Variants in MTURN observed in about 807,000 individuals in gnomAD.
MTURN encodes the protein maturin, neural progenitor differentiation regulator homolog.
In MTURN, 7 loss-of-function variants were observed where a neutral mutation model predicts 14.9. The observed-to-expected ratio is 0.47, with a 90% CI of 0.27 to 0.88. The LOEUF (loss-of-function observed/expected upper bound fraction) is 0.88. Ranked by LOEUF, MTURN falls within the 40% of genes least tolerant of loss-of-function variation. The pLI, the probability that MTURN is intolerant of heterozygous loss-of-function variation, is 0.14. For synonymous variants in MTURN, 69 were observed against 72.5 expected, an observed-to-expected ratio of 0.95 and a Z score of 0.25; for missense variants, 151 against 174.1, an observed-to-expected ratio of 0.87 and a Z score of 0.75.
intron 2 of MTURN, among the ~76,000 whole-genome samples, chr7:30,152,084 A>C (rs556826889): frequency 6.6e-6 from 1 of 152,302 alleles, no homozygotes; most frequent in African/African-American, 2.4e-5. Flanking sequence ...TGATGAGAAA[A>C]GATTATGCAC....
chr7:30,148,363 G>A (rs1301690697), intron 2 of MTURN, among the ~76,000 whole-genome samples: 1 of 152,210 alleles, frequency 6.6e-6, no homozygotes, highest in Non-Finnish European at 1.5e-5. Flanking sequence ...AGAGAGGTGA[G>A]CTGGAGGAAT....
intron 1 of MTURN, among the ~76,000 whole-genome samples, chr7:30,136,099 C>T (rs1796955051): frequency 6.9e-6 from 1 of 145,946 alleles, no homozygotes; most frequent in East Asian, 2.1e-4. Flanking sequence ...GTGTGTGTGG[C>T]CCGGGCGGGT....
intron 2 of MTURN, among the ~76,000 whole-genome samples, chr7:30,156,724 T>C (rs113414971): frequency 0.13 from 19,303 of 151,496 alleles, 1,352 homozygotes; most frequent in African/African-American, 0.17. Flanking sequence ...ACTCAGGAGG[T>C]TGAGGCAGGA....
intron 2 of MTURN, 68 bp downstream of exon 2, chr7:30,146,367 C>T: frequency 5.0e-6 from 8 of 1,594,338 alleles, no homozygotes; most frequent in South Asian, 1.1e-5. Flanking sequence ...ATAACAGGGG[C>T]GGTGGGGAAG....
intron 1 of MTURN, among the ~76,000 whole-genome samples, chr7:30,135,983 C>G (rs1384232051): frequency 6.6e-6 from 1 of 152,186 alleles, no homozygotes; most frequent in African/African-American, 2.4e-5. Context: ...CACACACACA[C>G]ATGCTCACAC....
At position 30,143,690 on chromosome 7, in the gene MTURN, G is replaced by A. The variant is rs144294652; in HGVS notation, c.163-2487G>A. Among the ~76,000 whole-genome samples, 93 of 152,280 alleles carry A rather than the reference G, an allele frequency of 6.1e-4. 1 individual carries two copies. Among genetic ancestry groups the A allele is most frequent in the African/African-American group, 2.1e-3 (87 of 41,556 alleles). On this transcript the variant is annotated intron_variant, in intron 1 of 2. Coordinates refer to ENST00000324453, the MANE Select transcript of MTURN (RefSeq NM_152793.3). The stretch of plus-strand genomic sequence containing the variant: ...GGAAGTTCAGACAGAAGGCCCTTTC[G>A]TGGGTATTAAGTCTTCCTTCAACAT...
At chr7:30,153,419 G>A (rs563057450) in intron 2 of MTURN, among the ~76,000 whole-genome samples, 26 of 152,194 alleles carry the variant, frequency 1.7e-4, no homozygotes, top group African/African-American at 6.0e-4. Flanking sequence ...ATTCCCCAGC[G>A]GAAAACATTG....
chr7:30,142,801 T>G (rs1313328662), intron 1 of MTURN, among the ~76,000 whole-genome samples: 1 of 152,220 alleles, frequency 6.6e-6, no homozygotes, highest in Admixed American at 6.5e-5. Flanking sequence ...CTGTTGACGC[T>G]CTGACTACCG....
rs188325972 is a variant in MTURN, at chr7:30,135,737, C to G, written c.162+439C>G. ...AGGAGCCCAGGTCCGGAGCTTCCCA[C>G]ATCCAGGCGTCCCGTCCGGGATAGG... On this transcript the variant is annotated intron_variant, in intron 1 of 2. Transcript: ENST00000324453. Among the ~76,000 whole-genome samples, 940 of 152,314 alleles carry G rather than the reference C, an allele frequency of 6.2e-3. 8 individuals carry two copies. The highest frequency in any genetic ancestry group is 0.011 in the South Asian group (51 of 4,832).
intron 2 of MTURN, among the ~76,000 whole-genome samples, chr7:30,149,821 G>A (rs1262298540): frequency 1.3e-5 from 2 of 152,318 alleles, no homozygotes; most frequent in South Asian, 2.1e-4. Flanking sequence ...CTGCTTTTTT[G>A]TTTATCGTGG....
chr7:30,145,009 A>ACAT (rs200924739), intron 1 of MTURN, among the ~76,000 whole-genome samples: 8,644 of 138,120 alleles, frequency 0.063, 340 homozygotes, highest in Admixed American at 0.11. Context: ...TTGGTACCTG[A>ACAT]CAGATACTCT....
intron 2 of MTURN, among the ~76,000 whole-genome samples, chr7:30,156,245 C>T (rs1797285853): frequency 6.6e-6 from 1 of 152,072 alleles, no homozygotes; most frequent in Non-Finnish European, 1.5e-5. Flanking sequence ...CATAATTATA[C>T]AGCAATTGGA....
chr7:30,160,801 C>T lies in MTURN; in HGVS notation c.*3253C>T, dbSNP rs555498608. 6.6e-6 allele frequency: 1 copy of T among 152,158 alleles called. No individual in the cohort carries two copies. The highest frequency in any genetic ancestry group is 2.1e-4 in the South Asian group (1 of 4,828). 9.4% of individuals were successfully genotyped at this position (152,158 alleles called of 1,614,324 possible). A position where few individuals can be genotyped will look rare whatever the true frequency, so the allele number is the denominator to read the frequency against. ...AAGGAATCAGAGTGAAGTACGGAGC[C>T]AGGGAGGGAGGTGAGGCCCCGTGTA... On this transcript the variant is annotated 3_prime_UTR_variant, in exon 3 of 3. Coordinates refer to ENST00000324453, the MANE Select transcript of MTURN (RefSeq NM_152793.3).
At chr7:30,144,368 T>A in intron 1 of MTURN, among the ~76,000 whole-genome samples, 1 of 152,224 alleles carries the variant, frequency 6.6e-6, no homozygotes, top group Admixed American at 6.5e-5. Context: ...ACTTACTAAG[T>A]AGAACTTTTG....
chr7:30,157,376 G>A, intron 2 of MTURN, 62 bp from the exon 3 acceptor site: 1 of 1,425,304 alleles, frequency 7.0e-7, no homozygotes. Flanking sequence ...GCCTTTGGTT[G>A]TCTTCCTGCC....
chr7:30,149,156 C>T (rs933210997), intron 2 of MTURN, among the ~76,000 whole-genome samples: 2 of 152,204 alleles, frequency 1.3e-5, no homozygotes, highest in Non-Finnish European at 2.9e-5. Context: ...AATGAGGAAA[C>T]AAATGCGGTC....
intron 2 of MTURN, 121 bp from the exon 3 acceptor site, chr7:30,157,317 G>A (rs577676158): frequency 6.3e-6 from 4 of 639,376 alleles, no homozygotes; most frequent in African/African-American, 1.9e-5. Context: ...GGTGGTTGAC[G>A]GGGAAGTCTG....
intron 1 of MTURN, chr7:30,145,839 A>G (rs1334137981): frequency 9.7e-6 from 15 of 1,539,584 alleles, no homozygotes; most frequent in African/African-American, 1.4e-5. Context: ...CTCCTTCCCC[A>G]TGTCTGAAAA....
At chr7:30,138,142 G>A (rs559258975) in intron 1 of MTURN, among the ~76,000 whole-genome samples, 98 of 152,024 alleles carry the variant, frequency 6.4e-4, no homozygotes, top group Middle Eastern at 6.8e-3. Flanking sequence ...TTTTGAGACA[G>A]TCTTGCTCTG....
Sources: gnomAD v4.1 joint callset for allele counts (sites outside exome capture counted in the v4.1 genomes callset) on GRCh38, gnomAD v4.1.1 for gene constraint, MANE v1.5 for transcripts, NCBI Gene and HGNC (gene_info 2026-07-23, HGNC 2026-07-21) for gene names.